The following C5orf22 variants were observed in gnomAD, a reference collection of about 807,000 sequenced individuals.
C5orf22 encodes UPF0489 protein C5orf22.
A neutral mutation model predicts 48.7 loss-of-function variants in C5orf22; 36 were observed. That is an observed-to-expected ratio of 0.74 (90% CI 0.57 to 0.98). The LOEUF (loss-of-function observed/expected upper bound fraction) is 0.98. Among genes scored for constraint, C5orf22 ranks in the 50% least tolerant of loss-of-function variants. The probability of loss-of-function intolerance (pLI) is 0.00; values close to 1 mark genes in which losing one functional copy is unlikely to be tolerated. For missense variants in C5orf22, 486 were observed against 521.9 expected (o/e 0.93, Z 0.67); for synonymous variants, 141 against 180.8 (o/e 0.78, Z 1.76).
In C5orf22 at chr5:31,551,353, C is replaced by T; in HGVS notation, c.1120C>T (p.Gln374Ter). The T allele has an allele frequency of 6.2e-7, 1 of 1,613,406 alleles. No individual in the cohort carries two copies. ...ACTTCCTCACCATATCAGCACAGAA[C>T]AAGAAATAGAGTGTCTTATTCAATC... ...SELPHHISTE[Q>*]EIECLIQSVH... Residue 374 changes from glutamine (Q) to a stop codon, truncating the protein, a stop_gained, in exon 8 of 9, where the codon CAA becomes TAA. Coordinates refer to ENST00000325366, the MANE Select transcript of C5orf22 (RefSeq NM_018356.3). LOFTEE classifies it high-confidence loss of function.
At chr5:31,552,040 C>T (rs942357702) in intron 8 of C5orf22, among the ~76,000 whole-genome samples, 5 of 152,198 alleles carry the variant, frequency 3.3e-5, no homozygotes, top group Non-Finnish European at 7.3e-5. Context: ...CTGTGCTGCT[C>T]TTCTCACTCT....
At chr5:31,550,840 G>T (rs1388954507) in intron 7 of C5orf22, among the ~76,000 whole-genome samples, 1 of 152,306 alleles carries the variant, frequency 6.6e-6, no homozygotes, top group East Asian at 1.9e-4. Context: ...GGGATTACAG[G>T]CATGAGCTAC....
intron 3 of C5orf22, among the ~76,000 whole-genome samples, chr5:31,536,155 CCT>C (rs1742067438): frequency 6.6e-6 from 1 of 152,166 alleles, no homozygotes; most frequent in African/African-American, 2.4e-5. Flanking sequence ...GTGATTAACT[CCT>C]TAAGCCATTG....
chr5:31,551,331 TC>T lies in C5orf22; in HGVS notation c.1100del (p.Pro367LeufsTer10), dbSNP rs1561331913. 1 of 1,613,592 alleles carries T rather than the reference TC, an allele frequency of 6.2e-7. No homozygotes were observed. The highest frequency in any genetic ancestry group is 2.2e-5 in the East Asian group (1 of 44,870). ...AGLTCDYSEL[P>X]HHISTEQEIE... ...GTTTAACCTGCGATTATTCAGAACTTCCTCACCATATCAGCACAGAACAAGA... is the reference window on the plus strand; with the variant it reads ...GTTTAACCTGCGATTATTCAGAACTTCTCACCATATCAGCACAGAACAAGA... On this transcript the variant is annotated frameshift_variant, in exon 8 of 9. Transcript: ENST00000325366. LOFTEE classifies it high-confidence loss of function.
In C5orf22 at chr5:31,551,161, A is replaced by G. The variant is rs1200698900; in HGVS notation, c.1060-132A>G. On this transcript the variant is annotated intron_variant, in intron 7 of 8. Transcript: ENST00000325366. ...ATCTTTATATGCTATTATGAATCAC[A>G]TGTACCCTGAAAATATGCACATCTT... 12 of 833,488 alleles carry G rather than the reference A, an allele frequency of 1.4e-5. No homozygotes were observed. In the East Asian group the frequency reaches 3.0e-4, roughly 21 times the overall value. 51.6% of individuals were successfully genotyped at this position (833,488 alleles called of 1,614,324 possible). A position where few individuals can be genotyped will look rare whatever the true frequency, so the allele number is the denominator to read the frequency against.
At position 31,554,509 on chromosome 5, in the gene C5orf22, T is replaced by A. The variant is rs1052861100; in HGVS notation, c.*1607T>A. On this transcript the variant is annotated 3_prime_UTR_variant, in exon 9 of 9. Coordinates refer to ENST00000325366, the MANE Select transcript of C5orf22 (RefSeq NM_018356.3). ...GACTCAGCTTTCCATTTTCATAGGA[T>A]AATATGTGCCAAAAAAGGTTTATTT... 1 of 152,208 alleles carries A rather than the reference T, an allele frequency of 6.6e-6. No individual in the cohort carries two copies. Among genetic ancestry groups the A allele is most frequent in the African/African-American group, 2.4e-5 (1 of 41,462 alleles). 9.4% of individuals were successfully genotyped at this position (152,208 alleles called of 1,614,324 possible).
rs543056242 is a variant in C5orf22 at position 31,548,881 on chromosome 5, G to A, written c.1060-2412G>A. 4.6e-5 allele frequency among the ~76,000 whole-genome samples: 7 copies of A among 152,290 alleles called. No homozygotes were observed. In the South Asian group the frequency reaches 1.5e-3, roughly 32 times the overall value. ...GAAAGGCACATCTCACATGGCAGCA[G>A]ACAAGAAGAGAGAGCTTGTGCAGCG... On this transcript the variant is annotated intron_variant, in intron 7 of 8. Transcript: ENST00000325366.
At chr5:31,550,391 A>G (rs1743178612) in intron 7 of C5orf22, among the ~76,000 whole-genome samples, 1 of 152,232 alleles carries the variant, frequency 6.6e-6, no homozygotes. Flanking sequence ...GGTAGATAGC[A>G]GTAGCTTATG....
chr5:31,537,253 C>T (rs1742154546), intron 3 of C5orf22, among the ~76,000 whole-genome samples: 1 of 152,128 alleles, frequency 6.6e-6, no homozygotes, highest in Admixed American at 6.5e-5. Context: ...TGATTCATGA[C>T]TTTGGTTAAT....
chr5:31,544,941 T>C (rs1742755356), intron 6 of C5orf22, among the ~76,000 whole-genome samples: 1 of 150,506 alleles, frequency 6.6e-6, no homozygotes, highest in South Asian at 2.1e-4. Flanking sequence ...TCAATAGTAA[T>C]AATAATTGTA....
chr5:31,553,125 G>T lies in C5orf22; in HGVS notation c.*223G>T. 2.9e-6 allele frequency: 1 copy of T among 343,120 alleles called. No individual in the cohort carries two copies. Among genetic ancestry groups the T allele is most frequent in the Admixed American group, 4.4e-5 (1 of 22,640 alleles). 21.3% of individuals were successfully genotyped at this position (343,120 alleles called of 1,614,324 possible). A position where few individuals can be genotyped will look rare whatever the true frequency, so the allele number is the denominator to read the frequency against. On this transcript the variant is annotated 3_prime_UTR_variant, in exon 9 of 9. Coordinates refer to ENST00000325366, the MANE Select transcript of C5orf22 (RefSeq NM_018356.3). ...CAACTGATAGAACTGTTGCTTATCT[G>T]TCTTCCTTAAGTATTTTTTAGGGTT...
chr5:31,546,828 A>G (rs191994402), intron 7 of C5orf22, among the ~76,000 whole-genome samples: 272 of 152,250 alleles, frequency 1.8e-3, no homozygotes, highest in African/African-American at 6.2e-3. Flanking sequence ...TGGGGGTTAC[A>G]ATTCAAGATG....
In C5orf22 at chr5:31,532,483, C is replaced by G. The variant is rs751863124; in HGVS notation, c.81+10C>G. The stretch of plus-strand genomic sequence containing the variant: ...GGAGGATCATCAGGAGGTGAGCGGA[C>G]GGCAACAGGGCTCTGGGGCAGAATC... On this transcript the variant is annotated intron_variant, in intron 1 of 8. Coordinates refer to ENST00000325366, the MANE Select transcript of C5orf22 (RefSeq NM_018356.3). 3.7e-6 allele frequency: 6 copies of G among 1,610,280 alleles called. No individual in the cohort carries two copies. The African/African-American group carries it at 5.3e-5, about 14-fold the overall frequency.
At position 31,541,302 on chromosome 5, in the gene C5orf22, G is replaced by A. The variant is rs1372735939; in HGVS notation, c.892G>A (p.Asp298Asn). Reference sequence around the variant, plus strand: ...AAAGGAAGATTTGGTAGATATTGTTGATACTCGAATTCATCAATTAGAGGA... The same window carrying A: ...AAAGGAAGATTTGGTAGATATTGTTAATACTCGAATTCATCAATTAGAGGA... Reference protein sequence around the residue: ...LTEEDLVDIVDTRIHQLEDLE... With the variant: ...LTEEDLVDIVNTRIHQLEDLE... Residue 298 changes from aspartate to asparagine, a missense_variant, in exon 6 of 9, where the codon GAT becomes AAT. Asp to Asn is a conservative substitution (Grantham distance 23). Around this residue, in one of 3 missense-constraint regions of C5orf22, gnomAD observed 408 missense variants for 444.0 expected, o/e 0.92. Coordinates refer to ENST00000325366, the MANE Select transcript of C5orf22 (RefSeq NM_018356.3). The A allele has an allele frequency of 1.2e-6, 2 of 1,611,022 alleles. No homozygotes were observed. Among genetic ancestry groups the A allele is most frequent in the East Asian group, 2.2e-5 (1 of 44,848 alleles).
At position 31,538,321 on chromosome 5, in the gene C5orf22, GA is replaced by G; in HGVS notation, c.440del (p.Glu147GlyfsTer10). ...DGLYVPEDQLENQKPLQLDVI... is the reference protein window; with the variant it reads ...DGLYVPEDQLXNQKPLQLDVI... Reference sequence around the variant, plus strand: ...TCTGTATGTACCTGAAGACCAGCTAGAGAACCAAAAACCTTTACAATTGGAT... The same window carrying G: ...TCTGTATGTACCTGAAGACCAGCTAGGAACCAAAAACCTTTACAATTGGAT... On this transcript the variant is annotated frameshift_variant, in exon 4 of 9. Coordinates refer to ENST00000325366, the MANE Select transcript of C5orf22 (RefSeq NM_018356.3). LOFTEE classifies it high-confidence loss of function. The G allele has an allele frequency of 6.2e-7, 1 of 1,613,942 alleles. No individual in the cohort carries two copies. The highest frequency in any genetic ancestry group is 8.5e-7 in the Non-Finnish European group (1 of 1,179,916).
chr5:31,546,802 C>G lies in C5orf22; in HGVS notation c.1059+1090C>G, dbSNP rs112408733. Among the ~76,000 whole-genome samples the G allele has an allele frequency of 4.8e-3, 737 of 152,306 alleles. 8 individuals are homozygous for G. The highest frequency in any genetic ancestry group is 0.017 in the African/African-American group (698 of 41,550). ...ATCACCTCCCATCGGCTTCCTCCCA[C>G]TACATGTGGGAATTGTGGGGGTTAC... is the stretch of plus-strand genomic sequence containing the variant. On this transcript the variant is annotated intron_variant, in intron 7 of 8. Transcript: ENST00000325366.
chr5:31,538,688 A>G lies in C5orf22; in HGVS notation c.806A>G (p.Gln269Arg). Residue 269 changes from glutamine (Q) to arginine (R), a missense_variant and splice_region_variant, in exon 4 of 9, where the codon CAG (glutamine) becomes CGG (arginine). By Grantham distance (43) the Gln-to-Arg change is conservative (BLOSUM62 1). Around this residue, in one of 3 missense-constraint regions of C5orf22, gnomAD observed 408 missense variants for 444.0 expected, o/e 0.92. Coordinates refer to ENST00000325366, the MANE Select transcript of C5orf22 (RefSeq NM_018356.3). Reference sequence around the variant, plus strand: ...AATCCCTTCAAAGAAATGTTCACTCAGGTAAATAATTGTGTTTTTAACACA... The same window carrying G: ...AATCCCTTCAAAGAAATGTTCACTCGGGTAAATAATTGTGTTTTTAACACA... The part of the protein sequence containing the change: ...VKNPFKEMFT[Q>R]EEYKILQELY... 6.2e-7 allele frequency: 1 copy of G among 1,604,730 alleles called. No individual in the cohort carries two copies. The highest frequency in any genetic ancestry group is 8.5e-7 in the Non-Finnish European group (1 of 1,174,018).
chr5:31,543,230 A>G (rs1742579511), intron 6 of C5orf22, among the ~76,000 whole-genome samples: 1 of 152,236 alleles, frequency 6.6e-6, no homozygotes, highest in Admixed American at 6.5e-5. Flanking sequence ...AGAATAATTC[A>G]CAGTAATATT....
intron 6 of C5orf22, among the ~76,000 whole-genome samples, chr5:31,541,742 T>C (rs577816114): frequency 1.4e-4 from 21 of 152,246 alleles, no homozygotes; most frequent in African/African-American, 5.1e-4. Context: ...CACTGCACTC[T>C]ACCCTGGGTG....
Sources: allele counts gnomAD v4.1 joint callset (sites outside exome capture counted in the v4.1 genomes callset), GRCh38; gene constraint gnomAD v4.1.1; regional missense constraint gnomAD v4.1.1; transcripts MANE v1.5; gene names NCBI Gene and HGNC (gene_info 2026-07-23, HGNC 2026-07-21).